FAM219A: variants seen among roughly 807,000 people sequenced by gnomAD.
FAM219A encodes the protein family with sequence similarity 219 member A.
A neutral mutation model predicts 23.4 loss-of-function variants in FAM219A; 7 were observed. The ratio of observed to expected loss-of-function variants is 0.30; its 90% CI spans 0.17 to 0.56. FAM219A has a LOEUF of 0.56. Among genes scored for constraint, FAM219A ranks in the 20% least tolerant of loss-of-function variants. The probability of loss-of-function intolerance (pLI) is 0.92; values close to 1 mark genes in which losing one functional copy is unlikely to be tolerated. For synonymous variants in FAM219A, 93 were observed against 99.0 expected, an observed-to-expected ratio of 0.94 and a Z score of 0.36; for missense variants, 166 against 246.9, an observed-to-expected ratio of 0.67 and a Z score of 2.20.
At chr9:34,439,486 A>G (rs1823080720) in intron 1 of FAM219A, among the ~76,000 whole-genome samples, 1 of 152,208 alleles carries the variant, frequency 6.6e-6, no homozygotes, top group Non-Finnish European at 1.5e-5. Context: ...CCACGTTAAT[A>G]GACTAATTTT....
At chr9:34,434,134 G>A (rs1188148080) in intron 1 of FAM219A, among the ~76,000 whole-genome samples, 4 of 149,808 alleles carry the variant, frequency 2.7e-5, no homozygotes, top group Non-Finnish European at 5.9e-5. Flanking sequence ...CCCGGGAGGC[G>A]GAGCTTGCAG....
intron 1 of FAM219A, among the ~76,000 whole-genome samples, chr9:34,438,516 ACT>A (rs1393890984): frequency 6.6e-6 from 1 of 151,644 alleles, no homozygotes; most frequent in South Asian, 2.1e-4. Flanking sequence ...ACCAATGGAC[ACT>A]CTGTATCTAT....
chr9:34,401,776 T>C (rs1821444420), intron 4 of FAM219A, 56 bp from the exon 5 acceptor site: 3 of 1,566,410 alleles, frequency 1.9e-6, no homozygotes, highest in Non-Finnish European at 2.6e-6. Context: ...TAGAAAACTC[T>C]CTGCAATCCC....
At chr9:34,440,163 C>G (rs1393382297) in intron 1 of FAM219A, among the ~76,000 whole-genome samples, 1 of 152,192 alleles carries the variant, frequency 6.6e-6, no homozygotes, top group Non-Finnish European at 1.5e-5. Context: ...CTGCAGACCC[C>G]TATGTTTTCT....
At position 34,442,656 on chromosome 9, in the gene FAM219A, G is replaced by A. The variant is rs531629284; in HGVS notation, c.60+15548C>T. On this transcript the variant is annotated intron_variant, in intron 1 of 5. Transcript: ENST00000651358. ...GCCGAGATCACGCCACTGCACTCCA[G>A]CCTGGGTGACAGAGACAGACTCCGT... Among the ~76,000 whole-genome samples the A allele has an allele frequency of 3.1e-4, 47 of 149,890 alleles. 1 individual carries two copies. The South Asian group carries it at 4.0e-3, about 13-fold the overall frequency.
intron 1 of FAM219A, among the ~76,000 whole-genome samples, chr9:34,413,789 G>A (rs1564002103): frequency 6.6e-6 from 1 of 152,196 alleles, no homozygotes; most frequent in Non-Finnish European, 1.5e-5. Flanking sequence ...AGACAGAAAA[G>A]CAGAAAGCAG....
At chr9:34,405,548 A>C (rs995090071) in intron 2 of FAM219A, among the ~76,000 whole-genome samples, 1 of 152,194 alleles carries the variant, frequency 6.6e-6, no homozygotes, top group South Asian at 2.1e-4. Context: ...GCTTCCTCTC[A>C]GCCTGATCCA....
chr9:34,402,700 T>A lies in FAM219A; in HGVS notation c.263+5A>T. 1 of 1,613,836 alleles carries A rather than the reference T, an allele frequency of 6.2e-7. No homozygotes were observed. Among genetic ancestry groups the A allele is most frequent in the Admixed American group, 1.7e-5 (1 of 60,008 alleles). ...GGGTCCAGGTGGGGTAGGGAGGGCC[T>A]CTACCTTGTTCGGGCCATGACATTG... On this transcript the variant is annotated splice_donor_5th_base_variant and intron_variant, in intron 3 of 5. Coordinates refer to ENST00000651358, the MANE Select transcript of FAM219A (RefSeq NM_001184940.2).
chr9:34,426,151 C>T (rs1211649420), intron 1 of FAM219A, among the ~76,000 whole-genome samples: 1 of 152,164 alleles, frequency 6.6e-6, no homozygotes, highest in Non-Finnish European at 1.5e-5. Flanking sequence ...TATATGGACA[C>T]CTAATTTCAC....
At chr9:34,443,310 ACAGACT>A (rs1184309646) in intron 1 of FAM219A, among the ~76,000 whole-genome samples, 2 of 152,180 alleles carry the variant, frequency 1.3e-5, no homozygotes, top group Non-Finnish European at 2.9e-5. Flanking sequence ...CACTCTGCTA[ACAGACT>A]CAGCCGCCCT....
At chr9:34,401,538 G>A in intron 5 of FAM219A, 128 bp downstream of exon 5, 1 of 1,078,522 alleles carries the variant, frequency 9.3e-7, no homozygotes, top group Non-Finnish European at 1.4e-6. Flanking sequence ...GGCCCACCCT[G>A]TGCAGGGCAC....
chr9:34,410,336 G>C (rs79306709), intron 1 of FAM219A, among the ~76,000 whole-genome samples: 4,790 of 152,226 alleles, frequency 0.031, 257 homozygotes, highest in African/African-American at 0.11. Flanking sequence ...AAATAAGCAG[G>C]ATAAAATTGG....
At chr9:34,436,843 C>T (rs1308882917) in intron 1 of FAM219A, among the ~76,000 whole-genome samples, 1 of 152,126 alleles carries the variant, frequency 6.6e-6, no homozygotes, top group Non-Finnish European at 1.5e-5. Flanking sequence ...GTCATATTAC[C>T]TACTTTGCAA....
intron 1 of FAM219A, among the ~76,000 whole-genome samples, chr9:34,445,293 G>A (rs577701389): frequency 1.3e-5 from 2 of 152,316 alleles, no homozygotes; most frequent in Non-Finnish European, 2.9e-5. Flanking sequence ...ATCTTGTCAA[G>A]GAGATCAAAG....
intron 1 of FAM219A, among the ~76,000 whole-genome samples, chr9:34,454,325 A>C (rs1823660235): frequency 6.6e-6 from 1 of 152,250 alleles, no homozygotes; most frequent in Admixed American, 6.5e-5. Flanking sequence ...AGTCCCAGCT[A>C]TTCAGGAGGC....
intron 1 of FAM219A, among the ~76,000 whole-genome samples, chr9:34,443,934 C>CT (rs1228922664): frequency 6.6e-6 from 1 of 152,230 alleles, no homozygotes; most frequent in Admixed American, 6.5e-5. Flanking sequence ...GACTGGTTCC[C>CT]TTTGGTACCA....
intron 1 of FAM219A, among the ~76,000 whole-genome samples, chr9:34,416,183 A>AAAAG (rs757662813): frequency 0.047 from 3,026 of 63,814 alleles, 105 homozygotes; most frequent in East Asian, 0.055. Flanking sequence ...GAAGAAAGAG[A>AAAAG]AAAGAAAGAA....
At position 34,419,637 on chromosome 9, in the gene FAM219A, T is replaced by C. The variant is rs533727103; in HGVS notation, c.61-13673A>G. On this transcript the variant is annotated intron_variant, in intron 1 of 5. Transcript: ENST00000651358. ...AAGCAGGAGAAATGCCAGCAGACAC[T>C]GACATTTGTCTGGGCCAGATTGACG... Among the ~76,000 whole-genome samples the C allele has an allele frequency of 1.5e-3, 221 of 152,324 alleles. 1 individual carries two copies. Among genetic ancestry groups the C allele is most frequent in the Non-Finnish European group, 2.5e-3 (168 of 68,028 alleles).
At position 34,418,200 on chromosome 9, in the gene FAM219A, T is replaced by TA. The variant is rs536041489; in HGVS notation, c.61-12237dup. Among the ~76,000 whole-genome samples, 924 of 127,002 alleles carry TA rather than the reference T, an allele frequency of 7.3e-3. 4 individuals carry two copies. Among genetic ancestry groups the TA allele is most frequent in the Middle Eastern group, 0.019 (5 of 266 alleles). 83.3% of individuals were successfully genotyped at this position (127,002 alleles called of 152,430 possible). A position where few individuals can be genotyped will look rare whatever the true frequency, so the allele number is the denominator to read the frequency against. On this transcript the variant is annotated intron_variant, in intron 1 of 5. Transcript: ENST00000651358. ...AAGTATGAAGCTGGTAGTGAGATGG[T>TA]AAAAAAAAAAAAAAAGGATTTGTTT...
Sources: gnomAD v4.1 joint callset for allele counts (sites outside exome capture counted in the v4.1 genomes callset) on GRCh38, gnomAD v4.1.1 for gene constraint, MANE v1.5 for transcripts, NCBI Gene and HGNC (gene_info 2026-07-23, HGNC 2026-07-21) for gene names.